Variants in PLAT observed in about 807,000 individuals in gnomAD.
PLAT encodes tissue-type plasminogen activator.
A neutral mutation model predicts 74.9 loss-of-function variants in PLAT; 48 were observed. The ratio of observed to expected loss-of-function variants is 0.64; its 90% confidence interval spans 0.51 to 0.82. The LOEUF is 0.82. PLAT is among the 40% of genes least tolerant of loss of function. The probability of loss-of-function intolerance (pLI) is 0.00; values close to 1 mark genes in which losing one functional copy is unlikely to be tolerated. For missense variants in PLAT, 673 were observed against 736.2 expected, an observed-to-expected ratio of 0.91 and a Z score of 0.99; for synonymous variants, 307 against 294.4, an observed-to-expected ratio of 1.04 and a Z score of -0.44.
chr8:42,189,052 T>G lies in PLAT; in HGVS notation c.135A>C (p.Lys45Asn), dbSNP rs1203524924. The G allele has an allele frequency of 1.9e-6, 3 of 1,613,846 alleles. No homozygotes were observed. The Admixed American group carries it at 5.0e-5, about 27-fold the overall frequency. ...RSYQVICRDE[K>N]TQMIYQQHQS... ...GATGTTGCTGGTATATCATCTGCGT[T>G]TTTTCATCTCTGCAGATCACTATGA... The change falls in exon 4 of 14, where the codon AAA becomes AAC. Residue 45 changes from lysine to asparagine, a missense_variant. Physicochemically the swap from Lys to Asn is moderately conservative, Grantham distance 94. Coordinates refer to ENST00000220809, the MANE Select transcript of PLAT (RefSeq NM_000930.5).
intron 1 of PLAT, among the ~76,000 whole-genome samples, chr8:42,194,967 C>G (rs1039578660): frequency 3.3e-5 from 5 of 152,184 alleles, no homozygotes; most frequent in Non-Finnish European, 5.9e-5. Flanking sequence ...TGTGATCCTG[C>G]CCTCGGCAGC....
intron 2 of PLAT, 37 bp downstream of exon 2, chr8:42,193,077 C>T: frequency 6.9e-7 from 1 of 1,450,604 alleles, no homozygotes; most frequent in Non-Finnish European, 9.7e-7. Context: ...AGCATCACAG[C>T]CTTGAGGGGC....
chr8:42,196,239 G>A (rs543130682), intron 1 of PLAT, among the ~76,000 whole-genome samples: 1 of 152,308 alleles, frequency 6.6e-6, no homozygotes, highest in Admixed American at 6.5e-5. Flanking sequence ...TTTTGCAACT[G>A]AACGGTCTGA....
intron 8 of PLAT, chr8:42,182,356 A>G: frequency 6.2e-6 from 1 of 160,920 alleles, no homozygotes; most frequent in Non-Finnish European, 1.2e-5. Flanking sequence ...ACTTCTCTTT[A>G]ACTTTGTTAC....
chr8:42,193,415 C>T (rs553709483), intron 1 of PLAT, among the ~76,000 whole-genome samples: 2 of 152,296 alleles, frequency 1.3e-5, no homozygotes, highest in Admixed American at 1.3e-4. Flanking sequence ...AAATTTACCA[C>T]CTTAACGATG....
intron 2 of PLAT, among the ~76,000 whole-genome samples, chr8:42,192,336 G>C (rs1328024355): frequency 6.6e-6 from 1 of 152,044 alleles, no homozygotes; most frequent in Non-Finnish European, 1.5e-5. Flanking sequence ...AGTCCACTTT[G>C]TATATCTGCA....
chr8:42,194,215 T>TGAGAGAGAGAGAGAGAGAGAGA (rs140537859), intron 1 of PLAT, among the ~76,000 whole-genome samples: 19 of 119,896 alleles, frequency 1.6e-4, no homozygotes, highest in African/African-American at 7.8e-4. Flanking sequence ...TGTGCCTGGC[T>TGAGAGAGAGAGAGAGAGAGAGA]GAGAGAGAGA....
chr8:42,176,170 GT>G lies in PLAT; in HGVS notation c.1531-20del. 47 of 1,599,004 alleles carry G rather than the reference GT, an allele frequency of 2.9e-5. No homozygotes were observed. The highest frequency in any genetic ancestry group is 4.0e-5 in the Non-Finnish European group (47 of 1,170,308). On this transcript the variant is annotated intron_variant, in intron 13 of 13. Transcript: ENST00000220809. ...AATCGCCCTGCAAAGGAGATAGCAG[GT>G]TTGGCGTTTGCAAAAAAAGCAGACT... is the stretch of plus-strand genomic sequence containing the variant.
Position 42,175,963 on chromosome 8 carries a change from A to T in PLAT, c.*30T>A. 1 of 1,610,350 alleles carries T rather than the reference A, an allele frequency of 6.2e-7. No homozygotes were observed. Among genetic ancestry groups the T allele is most frequent in the South Asian group, 1.1e-5 (1 of 90,786 alleles). ...TCTGAAGAAGAAGAGGCGGGATCTC[A>T]TTTGCTTTTGAGGAGTCGGGTGTTC... On this transcript the variant is annotated 3_prime_UTR_variant, in exon 14 of 14. Coordinates refer to ENST00000220809, the MANE Select transcript of PLAT (RefSeq NM_000930.5).
chr8:42,187,936 C>T lies in PLAT; in HGVS notation c.334G>A (p.Glu112Lys), dbSNP rs1055213581. The T allele has an allele frequency of 1.4e-5, 22 of 1,612,746 alleles. No homozygotes were observed. Among genetic ancestry groups the T allele is most frequent in the East Asian group, 6.7e-5 (3 of 44,892 alleles). The change falls in exon 5 of 14, where the codon GAA becomes AAA. Residue 112 changes from glutamate to lysine, a missense_variant. Physicochemically the swap from Glu to Lys is moderately conservative, Grantham distance 56. Transcript: ENST00000220809. ...YFSDFVCQCP[E>K]GFAGKCCEID... is the part of the protein sequence containing the mutation. ...TCACAGCACTTCCCAGCAAATCCTT[C>T]GGGGCACTGGCACACGAAATCTGAG...
At chr8:42,179,140 C>T (rs1805105470) in intron 12 of PLAT, 77 bp from the exon 13 acceptor site, 4 of 957,044 alleles carry the variant, frequency 4.2e-6, no homozygotes, top group Non-Finnish European at 6.6e-6. Flanking sequence ...CCAAATTTTC[C>T]AATAATAGCT....
intron 9 of PLAT, among the ~76,000 whole-genome samples, chr8:42,181,505 C>T (rs1031962930): frequency 3.3e-5 from 5 of 152,156 alleles, no homozygotes; most frequent in South Asian, 2.1e-4. Flanking sequence ...GGCCACCTGG[C>T]GTCTGGGAGA....
chr8:42,194,839 A>C (rs1181055969), intron 1 of PLAT, among the ~76,000 whole-genome samples: 2 of 129,638 alleles, frequency 1.5e-5, no homozygotes, highest in African/African-American at 5.7e-5. Context: ...TTTTTCATAG[A>C]CTGCAGCAGA....
At position 42,182,819 on chromosome 8, in the gene PLAT, A is replaced by G. The variant is rs201009592; in HGVS notation, c.703T>C (p.Ser235Pro). ...GTHSLTESGA[S>P]CLPWNSMILI... Reference sequence around the variant, plus strand: ...ATCATGGAATTCCACGGGAGGCAGGAGGCACCCGACTCGGTGAGGCTGTGC... The same window carrying G: ...ATCATGGAATTCCACGGGAGGCAGGGGGCACCCGACTCGGTGAGGCTGTGC... Residue 235 changes from serine to proline, a missense_variant, in exon 8 of 14, where the codon TCC becomes CCC. Physicochemically the swap from Ser to Pro is moderately conservative, Grantham distance 74. Coordinates refer to ENST00000220809, the MANE Select transcript of PLAT (RefSeq NM_000930.5). 5.0e-5 allele frequency: 81 copies of G among 1,612,760 alleles called. 1 individual carries two copies. The highest frequency in any genetic ancestry group is 2.3e-4 in the Admixed American group (14 of 60,002).
chr8:42,188,207 G>C (rs1221281725), intron 4 of PLAT, 191 bp from the exon 5 acceptor site: 2 of 524,188 alleles, frequency 3.8e-6, no homozygotes, highest in African/African-American at 3.9e-5. Context: ...CCATACATAA[G>C]TGGACCCTGC....
At chr8:42,203,969 T>TTATATA (rs373313453) in intron 1 of PLAT, among the ~76,000 whole-genome samples, 131 of 105,016 alleles carry the variant, frequency 1.2e-3, no homozygotes, top group South Asian at 6.2e-3. Context: ...TGTCTCTAAA[T>TTATATA]TATATATATA....
intron 13 of PLAT, among the ~76,000 whole-genome samples, chr8:42,178,473 T>A (rs1240462106): frequency 6.6e-6 from 1 of 152,208 alleles, no homozygotes; most frequent in Non-Finnish European, 1.5e-5. Flanking sequence ...TTTCTCCATG[T>A]TGGTCAGGCT....
intron 1 of PLAT, among the ~76,000 whole-genome samples, chr8:42,203,358 C>T (rs928342451): frequency 6.6e-6 from 1 of 152,204 alleles, no homozygotes; most frequent in Non-Finnish European, 1.5e-5. Flanking sequence ...GCTGCTGGGT[C>T]TTGGCCATTG....
chr8:42,183,986 G>C (rs1262198023), intron 7 of PLAT, among the ~76,000 whole-genome samples: 1 of 152,002 alleles, frequency 6.6e-6, no homozygotes, highest in Non-Finnish European at 1.5e-5. Flanking sequence ...TGTCACCCAG[G>C]CTGGAGTGCA....
Sources: gnomAD v4.1 joint callset for allele counts (sites outside exome capture counted in the v4.1 genomes callset) on GRCh38, gnomAD v4.1.1 for gene constraint, MANE v1.5 for transcripts, NCBI Gene and HGNC (gene_info 2026-07-23, HGNC 2026-07-21) for gene names.